The following PCCA variants were observed in gnomAD, a reference collection of about 807,000 sequenced individuals.
PCCA encodes propionyl-CoA carboxylase alpha chain, mitochondrial.
PCCA carries 74 observed loss-of-function variants against 101.3 expected under a neutral mutation model. The ratio of observed to expected loss-of-function variants is 0.73; its 90% CI spans 0.61 to 0.89. PCCA has a LOEUF of 0.89. Among genes scored for constraint, PCCA ranks in the 40% least tolerant of loss-of-function variants. The pLI is 0.00. For missense variants in PCCA, 891 were observed against 907.0 expected, an observed-to-expected ratio of 0.98 and a Z score of 0.23; for synonymous variants, 294 against 313.6, an observed-to-expected ratio of 0.94 and a Z score of 0.66.
At chr13:100,157,785 T>C (rs2054026423) in intron 6 of PCCA, among the ~76,000 whole-genome samples, 1 of 152,204 alleles carries the variant, frequency 6.6e-6, no homozygotes. Flanking sequence ...GTATGTTTGT[T>C]ATTAAATTGA....
At chr13:100,099,818 A>G (rs1222529938) in intron 1 of PCCA, among the ~76,000 whole-genome samples, 5 of 152,172 alleles carry the variant, frequency 3.3e-5, no homozygotes, top group Non-Finnish European at 5.9e-5. Flanking sequence ...TTTAATCCTC[A>G]TAGCAGCATT....
chr13:100,214,431 GTGT>G (rs1338279073), intron 7 of PCCA, among the ~76,000 whole-genome samples: 2 of 150,556 alleles, frequency 1.3e-5, no homozygotes, highest in African/African-American at 4.9e-5. Flanking sequence ...GTGTGTGTGT[GTGT>G]TTTTTTTTTT....
chr13:100,334,452 A>C (rs920324682), intron 17 of PCCA, among the ~76,000 whole-genome samples: 1 of 152,194 alleles, frequency 6.6e-6, no homozygotes, highest in African/African-American at 2.4e-5. Context: ...AAGGAAAAGA[A>C]TTACTCATCT....
intron 6 of PCCA, among the ~76,000 whole-genome samples, chr13:100,199,020 G>A (rs142954161): frequency 1.6e-3 from 250 of 151,654 alleles, no homozygotes; most frequent in African/African-American, 5.7e-3. Flanking sequence ...CTCCTAGTCC[G>A]TGTGTTGATT....
chr13:100,374,926 T>C (rs1005819399), intron 19 of PCCA, among the ~76,000 whole-genome samples: 5 of 152,302 alleles, frequency 3.3e-5, no homozygotes, highest in African/African-American at 9.6e-5. Context: ...ATTTGTTTGC[T>C]CTTGCTTCTC....
At chr13:100,198,790 C>T (rs1302253027) in intron 6 of PCCA, among the ~76,000 whole-genome samples, 2 of 152,138 alleles carry the variant, frequency 1.3e-5, no homozygotes, top group Non-Finnish European at 2.9e-5. Flanking sequence ...TGAGCCACCA[C>T]ACCCGGTCTG....
At chr13:100,350,312 A>T (rs745593267) in intron 18 of PCCA, among the ~76,000 whole-genome samples, 1 of 150,684 alleles carries the variant, frequency 6.6e-6, no homozygotes, top group Non-Finnish European at 1.5e-5. Context: ...CACTGTGACA[A>T]TGAAGGTGAC....
chr13:100,472,885 A>AAT (rs1222600484), intron 21 of PCCA, among the ~76,000 whole-genome samples: 1 of 151,910 alleles, frequency 6.6e-6, no homozygotes, highest in African/African-American at 2.4e-5. Flanking sequence ...AAAAAAAAAA[A>AAT]ATTTAAACCT....
intron 18 of PCCA, among the ~76,000 whole-genome samples, chr13:100,340,648 G>C (rs1252991061): frequency 6.6e-6 from 1 of 152,150 alleles, no homozygotes; most frequent in African/African-American, 2.4e-5. Flanking sequence ...AGAAACTAGT[G>C]AACACACAAG....
At chr13:100,441,766 T>G (rs975598319) in intron 20 of PCCA, among the ~76,000 whole-genome samples, 4 of 152,214 alleles carry the variant, frequency 2.6e-5, no homozygotes, top group Non-Finnish European at 5.9e-5. Flanking sequence ...AGAATTTTGC[T>G]ATTAGCATAT....
chr13:100,379,938 G>A (rs781770653), intron 19 of PCCA, among the ~76,000 whole-genome samples: 1 of 152,092 alleles, frequency 6.6e-6, no homozygotes, highest in South Asian at 2.1e-4. Flanking sequence ...TCCTGCCGAA[G>A]TCCAAGCTGT....
At chr13:100,220,905 C>G (rs1171870293) in intron 7 of PCCA, among the ~76,000 whole-genome samples, 2 of 152,204 alleles carry the variant, frequency 1.3e-5, no homozygotes, top group African/African-American at 4.8e-5. Flanking sequence ...CCATCTCTAA[C>G]TGCAAACCTG....
At chr13:100,319,580 T>C (rs1263355974) in intron 16 of PCCA, among the ~76,000 whole-genome samples, 1 of 152,232 alleles carries the variant, frequency 6.6e-6, no homozygotes, top group Admixed American at 6.5e-5. Context: ...CAGCACCATT[T>C]ATTAAATAGG....
At chr13:100,506,552 G>A (rs890283619) in intron 21 of PCCA, among the ~76,000 whole-genome samples, 1 of 152,088 alleles carries the variant, frequency 6.6e-6, no homozygotes, top group Non-Finnish European at 1.5e-5. Context: ...TTTGAATTTT[G>A]AGTTTCTTCA....
rs550691311 is a variant in PCCA at position 100,450,679 on chromosome 13, G to A, written c.1899+1374G>A. On this transcript the variant is annotated intron_variant, in intron 21 of 23. Coordinates refer to ENST00000376285, the MANE Select transcript of PCCA (RefSeq NM_000282.4). Reference sequence around the variant, plus strand: ...TTGCAGCCATTGAGATAGGAAGGATGTTAATAAAATGTGTGTTTACTGAAT... The same window carrying A: ...TTGCAGCCATTGAGATAGGAAGGATATTAATAAAATGTGTGTTTACTGAAT... Among the ~76,000 whole-genome samples, 246 of 152,286 alleles carry A rather than the reference G, an allele frequency of 1.6e-3. 1 individual carries two copies. Among genetic ancestry groups the A allele is most frequent in the Non-Finnish European group, 2.7e-3 (181 of 68,022 alleles).
At chr13:100,461,426 A>G (rs565045708) in intron 21 of PCCA, among the ~76,000 whole-genome samples, 1 of 152,350 alleles carries the variant, frequency 6.6e-6, no homozygotes, top group East Asian at 1.9e-4. Flanking sequence ...CTAATTAAAA[A>G]ATGAAAAGAA....
At chr13:100,340,304 T>G (rs191043942) in intron 18 of PCCA, 45 bp downstream of exon 18, 1 of 972,996 alleles carries the variant, frequency 1.0e-6, no homozygotes, top group Non-Finnish European at 1.7e-6. Context: ...AGAACAATAT[T>G]GATAATCCAG....
chr13:100,404,450 A>T (rs1283282), intron 19 of PCCA, among the ~76,000 whole-genome samples: 1 of 152,012 alleles, frequency 6.6e-6, no homozygotes, highest in Admixed American at 6.5e-5. Flanking sequence ...GAGAGAACTG[A>T]GGAGGAGAAA....
At chr13:100,336,816 T>A (rs1200473705) in intron 17 of PCCA, among the ~76,000 whole-genome samples, 2 of 152,182 alleles carry the variant, frequency 1.3e-5, no homozygotes, top group Non-Finnish European at 2.9e-5. Context: ...AGCTTGAATG[T>A]TGTGAACGTT....
Sources: allele counts gnomAD v4.1 joint callset (sites outside exome capture counted in the v4.1 genomes callset), GRCh38; gene constraint gnomAD v4.1.1; transcripts MANE v1.5; gene names NCBI Gene and HGNC (gene_info 2026-07-23, HGNC 2026-07-21).